ADARB2: variants seen among roughly 807,000 people sequenced by gnomAD.
ADARB2 encodes the protein adenosine deaminase RNA specific B2 (inactive), also known as inactive double-stranded RNA-specific editase B2.
ADARB2 carries 25 observed loss-of-function variants against 62.2 expected under a neutral mutation model. The observed-to-expected ratio is 0.40, with a 90% confidence interval of 0.29 to 0.56. The LOEUF is 0.56. Ranked by LOEUF, ADARB2 falls within the 20% of genes least tolerant of loss-of-function variation. ADARB2 has a pLI of 0.43. For missense variants in ADARB2, 1,071 were observed against 1,077.4 expected (o/e 0.99, Z 0.08); for synonymous variants, 572 against 500.8 (o/e 1.14, Z -1.90).
chr10:1,391,766 ATTTTTTT>A (rs60956446), intron 1 of ADARB2, among the ~76,000 whole-genome samples: 2,487 of 91,676 alleles, frequency 0.027, 24 homozygotes, highest in Middle Eastern at 0.077. Flanking sequence ...TAAGAATTGG[ATTTTTTT>A]TTTTTTTTTT....
At chr10:1,493,114 C>T (rs1481923908) in intron 1 of ADARB2, among the ~76,000 whole-genome samples, 1 of 152,202 alleles carries the variant, frequency 6.6e-6, no homozygotes, top group East Asian at 1.9e-4. Flanking sequence ...AAGCATGCAA[C>T]AGCCACCACC....
chr10:1,362,634 G>C (rs1298820957), intron 3 of ADARB2, among the ~76,000 whole-genome samples: 1 of 151,846 alleles, frequency 6.6e-6, no homozygotes, highest in Non-Finnish European at 1.5e-5. Flanking sequence ...CGGCCTCTCC[G>C]GCTGCTCCCA....
intron 1 of ADARB2, among the ~76,000 whole-genome samples, chr10:1,451,632 G>A (rs192118201): frequency 3.8e-4 from 57 of 151,716 alleles, no homozygotes; most frequent in African/African-American, 1.4e-3. Context: ...TTCCTGAGAA[G>A]GGGACACACC....
chr10:1,579,103 T>C (rs1021646788), intron 1 of ADARB2, among the ~76,000 whole-genome samples: 4 of 152,178 alleles, frequency 2.6e-5, no homozygotes, highest in Admixed American at 6.5e-5. Context: ...GCCTTCCAGC[T>C]CTGATAGGCT....
At position 1,180,472 on chromosome 10, in the gene ADARB2, G is replaced by T. The variant is rs181313797; in HGVS notation, c.*2721C>A. ...GGGAATCCTGGGACCTGGCCCCTTC[G>T]GGCACTCCTGGCACTGTGGAATCCT... is the stretch of plus-strand genomic sequence containing the variant. On this transcript the variant is annotated 3_prime_UTR_variant, in exon 10 of 10. Transcript: ENST00000381312. 14 of 152,740 alleles carry T rather than the reference G, an allele frequency of 9.2e-5. No homozygotes were observed. Among genetic ancestry groups the T allele is most frequent in the Admixed American group, 9.1e-4 (14 of 15,310 alleles). The allele number at this position is 152,740 out of a possible 1,614,324, so 9.5% of individuals were successfully genotyped here.
At chr10:1,192,648 T>C (rs1836858268) in intron 8 of ADARB2, among the ~76,000 whole-genome samples, 1 of 152,228 alleles carries the variant, frequency 6.6e-6, no homozygotes, top group African/African-American at 2.4e-5. Context: ...TGTGAGATAG[T>C]CCTAAAAACT....
intron 7 of ADARB2, among the ~76,000 whole-genome samples, chr10:1,206,021 A>AGCCC (rs1428090990): frequency 4.0e-5 from 6 of 151,018 alleles, no homozygotes; most frequent in African/African-American, 1.5e-4. Context: ...TTCACGGGGC[A>AGCCC]GCTGGGCTCA....
At chr10:1,211,108 T>A (rs978640909) in intron 7 of ADARB2, among the ~76,000 whole-genome samples, 1 of 142,518 alleles carries the variant, frequency 7.0e-6, no homozygotes, top group African/African-American at 2.5e-5. Context: ...CTCCCTCCTA[T>A]CTATCTTCTA....
chr10:1,375,905 TACC>T (rs1226078603), intron 2 of ADARB2, among the ~76,000 whole-genome samples: 1 of 143,668 alleles, frequency 7.0e-6, no homozygotes, highest in East Asian at 2.0e-4. Context: ...CACGTGCACA[TACC>T]ACACTTGCCA....
At chr10:1,717,721 G>A (rs1176075255) in intron 1 of ADARB2, among the ~76,000 whole-genome samples, 2 of 151,928 alleles carry the variant, frequency 1.3e-5, no homozygotes, top group Non-Finnish European at 2.9e-5. Flanking sequence ...GGGACTACAA[G>A]CACACACCAC....
At chr10:1,581,894 G>A (rs1286793154) in intron 1 of ADARB2, among the ~76,000 whole-genome samples, 2 of 149,894 alleles carry the variant, frequency 1.3e-5, no homozygotes, top group African/African-American at 2.5e-5. Flanking sequence ...ATCTCAGCAC[G>A]CTGCCCACAC....
chr10:1,221,686 C>T (rs377652175), intron 6 of ADARB2, among the ~76,000 whole-genome samples: 2,433 of 151,634 alleles, frequency 0.016, 27 homozygotes, highest in Middle Eastern at 0.038. Flanking sequence ...TTTGTCCTTG[C>T]GATAGTTTGC....
intron 6 of ADARB2, among the ~76,000 whole-genome samples, chr10:1,232,135 T>C (rs1049029347): frequency 9.9e-5 from 15 of 152,000 alleles, no homozygotes; most frequent in Non-Finnish European, 2.1e-4. Context: ...ATCATACACA[T>C]ATCACATACA....
rs7075490 is a variant in ADARB2 at position 1,274,709 on chromosome 10, C to T, written c.1078-3640G>A. 3.2e-3 allele frequency among the ~76,000 whole-genome samples: 491 copies of T among 152,312 alleles called. 2 individuals are homozygous for T. Among genetic ancestry groups the T allele is most frequent in the African/African-American group, 0.011 (469 of 41,566 alleles). On this transcript the variant is annotated intron_variant, in intron 3 of 9. Transcript: ENST00000381312. The stretch of plus-strand genomic sequence containing the variant: ...ACAACAGGGACTCATTCTGAGCAGG[C>T]GCGGTACCTGCCCAGGAAGGTGCCA...
At chr10:1,642,019 A>T (rs1219271138) in intron 1 of ADARB2, among the ~76,000 whole-genome samples, 1 of 152,244 alleles carries the variant, frequency 6.6e-6, no homozygotes, top group Non-Finnish European at 1.5e-5. Context: ...TTTAAAAAAA[A>T]AAGTGTTCCT....
At chr10:1,719,980 T>A (rs1379746937) in intron 1 of ADARB2, among the ~76,000 whole-genome samples, 1 of 152,206 alleles carries the variant, frequency 6.6e-6, no homozygotes, top group Non-Finnish European at 1.5e-5. Flanking sequence ...TCCAAAGACC[T>A]AAAACAGAAC....
At chr10:1,684,561 A>T (rs548233345) in intron 1 of ADARB2, among the ~76,000 whole-genome samples, 1 of 152,308 alleles carries the variant, frequency 6.6e-6, no homozygotes, top group Admixed American at 6.5e-5. Flanking sequence ...AAAGTTCTAG[A>T]TTTCCTTTTT....
chr10:1,299,960 C>T lies in ADARB2; in HGVS notation c.1078-28891G>A, dbSNP rs184628341. Among the ~76,000 whole-genome samples the T allele has an allele frequency of 1.3e-3, 195 of 152,268 alleles. 1 individual carries two copies. Among genetic ancestry groups the T allele is most frequent in the Non-Finnish European group, 1.7e-3 (116 of 68,016 alleles). On this transcript the variant is annotated intron_variant, in intron 3 of 9. Transcript: ENST00000381312. ...TTCACGCCTGGCCATCAACCACATG[C>T]TGGAGTTACCTACCTCACCAGGGGG...
chr10:1,596,379 T>A (rs1322426144), intron 1 of ADARB2, among the ~76,000 whole-genome samples: 1 of 152,188 alleles, frequency 6.6e-6, no homozygotes, highest in African/African-American at 2.4e-5. Context: ...GAGGGATCCT[T>A]TTGGCCTCCC....
Sources: allele counts gnomAD v4.1 joint callset (sites outside exome capture counted in the v4.1 genomes callset), GRCh38; gene constraint gnomAD v4.1.1; transcripts MANE v1.5; gene names NCBI Gene and HGNC (gene_info 2026-07-23, HGNC 2026-07-21).